Variants in MYL12B observed in about 807,000 individuals in gnomAD.
MYL12B encodes the protein myosin light chain 12B.
Under a neutral mutation model 12.9 loss-of-function variants are expected in MYL12B, and 3 were observed. The ratio of observed to expected loss-of-function variants is 0.23; its 90% confidence interval spans 0.11 to 0.60. MYL12B has a LOEUF of 0.60. Ranked by LOEUF, MYL12B falls within the 20% of genes least tolerant of loss-of-function variation. The pLI is 0.89. For synonymous variants in MYL12B, 57 were observed against 71.9 expected, an observed-to-expected ratio of 0.79 and a Z score of 1.05; for missense variants, 120 against 215.4, an observed-to-expected ratio of 0.56 and a Z score of 2.77.
chr18:3,276,844 C>CT (rs1244224192), intron 2 of MYL12B: 1 of 797,660 alleles, frequency 1.3e-6, no homozygotes, highest in African/African-American at 1.9e-5. Flanking sequence ...CAAGACCAGC[C>CT]TGGGCAACAT....
chr18:3,277,329 G>C lies in MYL12B; in HGVS notation c.261G>C (p.Leu87=). ...GGCCCATCAATTTCACCATGTTCCT[G>C]ACCATGTTTGGTGAGAAGTTAAATG... is the stretch of plus-strand genomic sequence containing the variant. The part of the protein sequence containing the change: ...APGPINFTMF[L]TMFGEKLNGT... The change falls in exon 3 of 4, where the codon CTG becomes CTC. Residue 87 remains leucine (L), a synonymous_variant. Transcript: ENST00000237500. 1.2e-6 allele frequency: 2 copies of C among 1,614,008 alleles called. No individual in the cohort carries two copies. Among genetic ancestry groups the C allele is most frequent in the East Asian group, 2.2e-5 (1 of 44,876 alleles).
At chr18:3,268,050 A>C (rs1485008121) in intron 1 of MYL12B, among the ~76,000 whole-genome samples, 1 of 152,194 alleles carries the variant, frequency 6.6e-6, no homozygotes, top group East Asian at 1.9e-4. Context: ...TTCTCGGTTG[A>C]ATCTGTGAGT....
chr18:3,267,006 A>G (rs2081639744), intron 1 of MYL12B, among the ~76,000 whole-genome samples: 1 of 152,238 alleles, frequency 6.6e-6, no homozygotes, highest in African/African-American at 2.4e-5. Flanking sequence ...ACAACATTGA[A>G]AAACTAAGGG....
At chr18:3,277,543 T>C in intron 3 of MYL12B, 129 bp downstream of exon 3, 1 of 1,417,882 alleles carries the variant, frequency 7.1e-7, no homozygotes, top group Non-Finnish European at 9.4e-7. Flanking sequence ...GCATATGATC[T>C]GTTTCTGAGC....
intron 2 of MYL12B, among the ~76,000 whole-genome samples, chr18:3,276,099 T>G (rs1221914698): frequency 1.3e-5 from 2 of 151,906 alleles, no homozygotes; most frequent in Non-Finnish European, 2.9e-5. Flanking sequence ...ATAGATGTTC[T>G]TTTCATGTAA....
At position 3,277,663 on chromosome 18, in the gene MYL12B, G is replaced by C. The variant is rs533085267; in HGVS notation, c.347-102G>C. The C allele has an allele frequency of 4.0e-5, 56 of 1,393,526 alleles. No homozygotes were observed. In the East Asian group the frequency reaches 1.4e-3, roughly 35 times the overall value. 86.3% of individuals were successfully genotyped at this position (1,393,526 alleles called of 1,614,324 possible). ...ACTAACTTACTTTGTTTATAGATATGGATATTCTGAAATATTTTATACGAT... is the reference window on the plus strand; with the variant it reads ...ACTAACTTACTTTGTTTATAGATATCGATATTCTGAAATATTTTATACGAT... On this transcript the variant is annotated intron_variant, in intron 3 of 3. Coordinates refer to ENST00000237500, the MANE Select transcript of MYL12B (RefSeq NM_033546.4).
At chr18:3,266,154 G>C (rs2081632484) in intron 1 of MYL12B, among the ~76,000 whole-genome samples, 1 of 152,182 alleles carries the variant, frequency 6.6e-6, no homozygotes, top group African/African-American at 2.4e-5. Flanking sequence ...TAGGTGGGTG[G>C]TTCTGGCACA....
chr18:3,262,587 C>CG (rs2081601920), intron 1 of MYL12B: 1 of 152,290 alleles, frequency 6.6e-6, no homozygotes, highest in South Asian at 2.1e-4. Context: ...GGGCCTTGGA[C>CG]GGCCCGGCTG....
intron 1 of MYL12B, 50 bp downstream of exon 1, chr18:3,262,287 G>C (rs948149176): frequency 4.9e-4 from 53 of 107,352 alleles, no homozygotes; most frequent in African/African-American, 1.4e-3. Flanking sequence ...CGCCGTCTCC[G>C]TACCCCCGCG....
At chr18:3,262,852 C>CA (rs978858713) in intron 1 of MYL12B, 6 of 152,236 alleles carry the variant, frequency 3.9e-5, no homozygotes, top group African/African-American at 1.4e-4. Flanking sequence ...GTAATTCGCT[C>CA]AGTGTGTCTT....
At chr18:3,262,720 G>C (rs913370176) in intron 1 of MYL12B, 1 of 152,368 alleles carries the variant, frequency 6.6e-6, no homozygotes, top group Non-Finnish European at 1.5e-5. Context: ...ATGCTTTGGA[G>C]GGTGGAGGAG....
At chr18:3,264,396 C>G (rs549602863) in intron 1 of MYL12B, among the ~76,000 whole-genome samples, 2 of 152,276 alleles carry the variant, frequency 1.3e-5, no homozygotes, top group East Asian at 3.9e-4. Flanking sequence ...GGTGGAAAGG[C>G]AAAAGGCAAT....
intron 2 of MYL12B, 83 bp from the exon 3 acceptor site, chr18:3,277,170 A>G: frequency 1.5e-6 from 2 of 1,332,818 alleles, no homozygotes; most frequent in Non-Finnish European, 2.0e-6. Flanking sequence ...TTTTAAAAAT[A>G]TGTTGGGGAG....
rs755065833 is a variant in MYL12B at position 3,278,156 on chromosome 18, A to G, written c.*219A>G. On this transcript the variant is annotated 3_prime_UTR_variant, in exon 4 of 4. Transcript: ENST00000237500. ...TAAATTGTATTGAAAAAGATCGCGA[A>G]TAAAAATCAACAAATGTGAAAGCCC... is the stretch of plus-strand genomic sequence containing the variant. The G allele has an allele frequency of 2.7e-5, 11 of 411,736 alleles. No individual in the cohort carries two copies. Among genetic ancestry groups the G allele is most frequent in the African/African-American group, 4.1e-5 (2 of 48,376 alleles). 25.5% of individuals were successfully genotyped at this position (411,736 alleles called of 1,614,324 possible). A position where few individuals can be genotyped will look rare whatever the true frequency, so the allele number is the denominator to read the frequency against.
At chr18:3,267,144 C>G (rs2081640670) in intron 1 of MYL12B, among the ~76,000 whole-genome samples, 1 of 152,176 alleles carries the variant, frequency 6.6e-6, no homozygotes, top group African/African-American at 2.4e-5. Context: ...GGGCTCCACC[C>G]CCAGACATTC....
In MYL12B at chr18:3,273,152, G is replaced by C. The variant is rs538951372; in HGVS notation, c.184+70G>C. The C allele has an allele frequency of 2.1e-6, 3 of 1,454,840 alleles. No homozygotes were observed. The East Asian group carries it at 7.0e-5, about 34-fold the overall frequency. The allele number at this position is 1,454,840 out of a possible 1,614,324, so 90.1% of individuals were successfully genotyped here. A position where few individuals can be genotyped will look rare whatever the true frequency, so the allele number is the denominator to read the frequency against. On this transcript the variant is annotated intron_variant, in intron 2 of 3. Coordinates refer to ENST00000237500, the MANE Select transcript of MYL12B (RefSeq NM_033546.4). ...TTGTCTCTTTATGAATCTTTTTTTTGTGCGATGTACAAATATTTCTCTCCT... is the reference window on the plus strand; with the variant it reads ...TTGTCTCTTTATGAATCTTTTTTTTCTGCGATGTACAAATATTTCTCTCCT...
intron 2 of MYL12B, among the ~76,000 whole-genome samples, chr18:3,273,659 A>G (rs530740370): frequency 2.6e-5 from 4 of 152,312 alleles, no homozygotes; most frequent in East Asian, 3.9e-4. Flanking sequence ...CATGCATCCT[A>G]CATGTTCTGG....
At chr18:3,275,735 C>T (rs1459906966) in intron 2 of MYL12B, among the ~76,000 whole-genome samples, 2 of 152,136 alleles carry the variant, frequency 1.3e-5, no homozygotes, top group Non-Finnish European at 2.9e-5. Context: ...ACTTTTTGTA[C>T]CCTAGCGTTC....
chr18:3,273,079 C>T lies in MYL12B; in HGVS notation c.181C>T (p.Leu61=), dbSNP rs1345534934. The T allele has an allele frequency of 6.3e-7, 1 of 1,587,356 alleles. No homozygotes were observed. Among genetic ancestry groups the T allele is most frequent in the South Asian group, 1.2e-5 (1 of 86,790 alleles). Residue 61 remains leucine, a synonymous_variant, in exon 2 of 4, where the codon CTA becomes TTA. Transcript: ENST00000237500. The part of the protein sequence containing the change: ...KEDLHDMLAS[L]GKNPTDAYLD... ...AGATTTGCATGATATGCTTGCTTCT[C>T]TAGGTAGACTTTATATTCTTTATTT...
Sources: gnomAD v4.1 joint callset for allele counts (sites outside exome capture counted in the v4.1 genomes callset) on GRCh38, gnomAD v4.1.1 for gene constraint, MANE v1.5 for transcripts, NCBI Gene and HGNC (gene_info 2026-07-23, HGNC 2026-07-21) for gene names.